Variants in RBFOX1 observed in about 807,000 individuals in gnomAD.
RBFOX1 encodes RNA binding protein fox-1 homolog 1.
RBFOX1 carries 8 observed loss-of-function variants against 57.7 expected under a neutral mutation model. That is an observed-to-expected ratio of 0.14 (90% CI 0.08 to 0.25). The LOEUF (loss-of-function observed/expected upper bound fraction) is 0.25, where lower values mean the gene tolerates loss of function less well. Ranked by LOEUF, RBFOX1 falls within the 10% of genes least tolerant of loss-of-function variation. The pLI, the probability that RBFOX1 is intolerant of heterozygous loss-of-function variation, is 1.00. For missense variants in RBFOX1, 611 were observed against 548.5 expected (o/e 1.11, Z -1.14); for synonymous variants, 326 against 222.4 (o/e 1.47, Z -4.15).
chr16:6,151,682 A>T (rs748278610), intron 1 of RBFOX1, among the ~76,000 whole-genome samples: 5 of 152,218 alleles, frequency 3.3e-5, no homozygotes, highest in Non-Finnish European at 5.9e-5. Context: ...GTTTGTTAGA[A>T]GAGGGGGAGG....
intron 3 of RBFOX1, among the ~76,000 whole-genome samples, chr16:6,787,257 T>C (rs752884951): frequency 1.2e-4 from 18 of 152,114 alleles, no homozygotes; most frequent in Non-Finnish European, 2.2e-4. Context: ...CCCTAACTGA[T>C]CGGCCCGTTC....
At chr16:7,086,791 G>T (rs189687814) in intron 4 of RBFOX1, among the ~76,000 whole-genome samples, 30 of 152,272 alleles carry the variant, frequency 2.0e-4, no homozygotes, top group Non-Finnish European at 3.4e-4. Context: ...TTCATCCTTA[G>T]ATTAGGAAGC....
At chr16:5,341,834 A>T (rs2065039552) in intron 1 of RBFOX1, among the ~76,000 whole-genome samples, 1 of 152,122 alleles carries the variant, frequency 6.6e-6, no homozygotes, top group African/African-American at 2.4e-5. Flanking sequence ...GGACCATGTT[A>T]AGTTTGAGGG....
chr16:5,545,834 A>C (rs2045175279), intron 2 of RBFOX1, among the ~76,000 whole-genome samples: 1 of 152,172 alleles, frequency 6.6e-6, no homozygotes, highest in Admixed American at 6.5e-5. Context: ...AAGTCACTTT[A>C]ATAAGGCAGG....
intron 4 of RBFOX1, among the ~76,000 whole-genome samples, chr16:5,960,718 C>T (rs943053713): frequency 5.3e-5 from 8 of 152,166 alleles, no homozygotes; most frequent in Non-Finnish European, 1.5e-5. Context: ...CCAGCCGCAC[C>T]TCCTCCATCA....
intron 1 of RBFOX1, among the ~76,000 whole-genome samples, chr16:6,275,087 A>C (rs2075650301): frequency 6.6e-6 from 1 of 152,216 alleles, no homozygotes. Flanking sequence ...ACTGCAAGAC[A>C]ATGTAAGTGT....
At chr16:6,282,179 A>T (rs1043150870) in intron 1 of RBFOX1, among the ~76,000 whole-genome samples, 1 of 152,064 alleles carries the variant, frequency 6.6e-6, no homozygotes, top group African/African-American at 2.4e-5. Flanking sequence ...CTTGGGAAAA[A>T]TCCCAGATTG....
intron 4 of RBFOX1, among the ~76,000 whole-genome samples, chr16:7,270,129 C>G (rs562837171): frequency 1.3e-5 from 2 of 152,284 alleles, no homozygotes; most frequent in South Asian, 2.1e-4. Context: ...AGAGGTGGAG[C>G]TAAGATGGGA....
At chr16:6,743,471 G>A (rs1009742831) in intron 3 of RBFOX1, among the ~76,000 whole-genome samples, 1 of 152,160 alleles carries the variant, frequency 6.6e-6, no homozygotes, top group Non-Finnish European at 1.5e-5. Flanking sequence ...AGGATGAATG[G>A]TAGTGCACAC....
At chr16:7,457,321 C>T (rs557234318) in intron 4 of RBFOX1, among the ~76,000 whole-genome samples, 2 of 152,214 alleles carry the variant, frequency 1.3e-5, no homozygotes, top group African/African-American at 4.8e-5. Flanking sequence ...GTCCTGGGTG[C>T]TGGGCCTCCT....
intron 3 of RBFOX1, among the ~76,000 whole-genome samples, chr16:6,919,228 C>A (rs568453263): frequency 6.6e-6 from 1 of 152,138 alleles, no homozygotes; most frequent in South Asian, 2.1e-4. Context: ...GGTGATCCGC[C>A]CGCCTCAGCT....
intron 3 of RBFOX1, among the ~76,000 whole-genome samples, chr16:6,955,887 G>T (rs903912003): frequency 6.6e-6 from 1 of 152,084 alleles, no homozygotes; most frequent in Non-Finnish European, 1.5e-5. Context: ...TGTAATTTTA[G>T]TAGAGATGGG....
At chr16:6,574,543 C>T (rs912409611) in intron 2 of RBFOX1, among the ~76,000 whole-genome samples, 18 of 149,990 alleles carry the variant, frequency 1.2e-4, no homozygotes, top group African/African-American at 3.4e-4. Flanking sequence ...ATTCTCCTGC[C>T]TCAGCCTCCC....
chr16:5,288,273 C>T (rs868289456), intron 1 of RBFOX1, among the ~76,000 whole-genome samples: 6 of 152,164 alleles, frequency 3.9e-5, no homozygotes, highest in African/African-American at 1.4e-4. Context: ...TAATTATTTG[C>T]ATACCACAAA....
intron 14 of RBFOX1, among the ~76,000 whole-genome samples, chr16:7,706,932 T>G (rs2082646474): frequency 6.6e-6 from 1 of 152,206 alleles, no homozygotes. Flanking sequence ...TTAACACATC[T>G]GCCCTTGGAC....
intron 1 of RBFOX1, among the ~76,000 whole-genome samples, chr16:6,160,555 C>T (rs566870589): frequency 1.3e-5 from 2 of 152,252 alleles, no homozygotes; most frequent in African/African-American, 4.8e-5. Flanking sequence ...TACACAGATC[C>T]TGCATCTAGA....
At chr16:5,481,166 AT>A (rs1366356920) in intron 2 of RBFOX1, among the ~76,000 whole-genome samples, 2 of 152,192 alleles carry the variant, frequency 1.3e-5, no homozygotes, top group East Asian at 1.9e-4. Flanking sequence ...GGCACTTTTC[AT>A]ACCTCAAAAT....
At chr16:6,331,314 G>C (rs1302074759) in intron 2 of RBFOX1, among the ~76,000 whole-genome samples, 2 of 152,064 alleles carry the variant, frequency 1.3e-5, no homozygotes, top group Admixed American at 1.3e-4. Context: ...AGGCATGCTG[G>C]TGCATGCCTG....
chr16:6,087,724 C>G (rs941919923), intron 1 of RBFOX1, among the ~76,000 whole-genome samples: 2 of 151,280 alleles, frequency 1.3e-5, no homozygotes, highest in African/African-American at 4.9e-5. Flanking sequence ...GTGATCTCGG[C>G]TCACTGCACC....
Sources: allele counts gnomAD v4.1 joint callset (sites outside exome capture counted in the v4.1 genomes callset), GRCh38; gene constraint gnomAD v4.1.1; transcripts MANE v1.5; gene names NCBI Gene and HGNC (gene_info 2026-07-23, HGNC 2026-07-21).